CENPP: variants seen among roughly 807,000 people sequenced by gnomAD.
CENPP encodes the protein centromere protein P.
Under a neutral mutation model 35.6 loss-of-function variants are expected in CENPP, and 24 were observed. The observed-to-expected ratio is 0.67, with a 90% CI of 0.49 to 0.95. The LOEUF is 0.95. CENPP is among the 40% of genes least tolerant of loss of function. The pLI, the probability that CENPP is intolerant of heterozygous loss-of-function variation, is 0.00. For synonymous variants in CENPP, 120 were observed against 125.5 expected (o/e 0.96, Z 0.29); for missense variants, 332 against 345.3 (o/e 0.96, Z 0.31).
intron 5 of CENPP, among the ~76,000 whole-genome samples, chr9:92,488,095 G>A (rs773217887): frequency 6.6e-6 from 1 of 152,156 alleles, no homozygotes; most frequent in Non-Finnish European, 1.5e-5. Context: ...TGTATTAAAT[G>A]CGTTTTGACC....
At chr9:92,432,244 G>T (rs1234524794) in intron 5 of CENPP, among the ~76,000 whole-genome samples, 1 of 151,998 alleles carries the variant, frequency 6.6e-6, no homozygotes, top group Non-Finnish European at 1.5e-5. Context: ...AGAATCGCTT[G>T]AACCTGGGAG....
At position 92,345,877 on chromosome 9, in the gene CENPP, G is replaced by A. The variant is rs539635562; in HGVS notation, c.467+90G>A. 3.5e-5 allele frequency: 25 copies of A among 710,994 alleles called. No individual in the cohort carries two copies. The East Asian group carries it at 4.9e-4, about 14-fold the overall frequency. The allele number at this position is 710,994 out of a possible 1,614,324, so 44.0% of individuals were successfully genotyped here. On this transcript the variant is annotated intron_variant, in intron 4 of 7. Coordinates refer to ENST00000375587, the MANE Select transcript of CENPP (RefSeq NM_001012267.3). ...GTTTACCTTTTCCTCTTCTTAGTAAGTAAATAGGTCTTCTCTGAAAGTATA... is the reference window on the plus strand; with the variant it reads ...GTTTACCTTTTCCTCTTCTTAGTAAATAAATAGGTCTTCTCTGAAAGTATA...
chr9:92,450,270 A>G (rs867784025), intron 5 of CENPP, among the ~76,000 whole-genome samples: 2 of 111,024 alleles, frequency 1.8e-5, no homozygotes, highest in African/African-American at 7.2e-5. Context: ...GACAGTCCCC[A>G]GAGTGTGATG....
intron 5 of CENPP, among the ~76,000 whole-genome samples, chr9:92,532,803 T>A (rs1056341666): frequency 6.6e-6 from 1 of 152,168 alleles, no homozygotes; most frequent in Non-Finnish European, 1.5e-5. Context: ...GGATCCTCTA[T>A]GTGTCTATTT....
At chr9:92,401,220 A>G in intron 5 of CENPP, 1 of 913,654 alleles carries the variant, frequency 1.1e-6, no homozygotes, top group Non-Finnish European at 1.8e-6. Context: ...ACCTAGCTTC[A>G]TTAAGTCTGT....
chr9:92,521,926 A>G (rs1588223959), intron 5 of CENPP, among the ~76,000 whole-genome samples: 1 of 152,220 alleles, frequency 6.6e-6, no homozygotes, highest in African/African-American at 2.4e-5. Flanking sequence ...GATTACAACT[A>G]TTTAAAATAT....
intron 5 of CENPP, chr9:92,500,894 C>G (rs769980008): frequency 6.2e-6 from 10 of 1,614,036 alleles, no homozygotes; most frequent in Non-Finnish European, 8.5e-6. Context: ...TGTTAAATGA[C>G]AGGTACAAGT....
chr9:92,452,261 G>A (rs1336086144), intron 5 of CENPP, among the ~76,000 whole-genome samples: 1 of 151,966 alleles, frequency 6.6e-6, no homozygotes, highest in Non-Finnish European at 1.5e-5. Flanking sequence ...TTATTATTTT[G>A]AGATACGTCC....
At chr9:92,495,876 A>G (rs950561602) in intron 5 of CENPP, 1 of 980,554 alleles carries the variant, frequency 1.0e-6, no homozygotes, top group Non-Finnish European at 1.2e-6. Context: ...TTAATAATAA[A>G]CAACACTTAT....
intron 5 of CENPP, among the ~76,000 whole-genome samples, chr9:92,597,655 G>A (rs542571825): frequency 6.6e-6 from 1 of 152,068 alleles, no homozygotes; most frequent in Non-Finnish European, 1.5e-5. Context: ...TGTATATTTA[G>A]CTTCTTCATT....
At chr9:92,421,979 T>A (rs1427579518) in intron 5 of CENPP, among the ~76,000 whole-genome samples, 1 of 152,158 alleles carries the variant, frequency 6.6e-6, no homozygotes, top group Non-Finnish European at 1.5e-5. Context: ...ATTCTATACA[T>A]TTTATACTCA....
chr9:92,442,413 A>G (rs113578946), intron 5 of CENPP, among the ~76,000 whole-genome samples: 8 of 133,916 alleles, frequency 6.0e-5, no homozygotes, highest in African/African-American at 1.2e-4. Context: ...AAAAAAAAAA[A>G]AAAGAAAAAA....
intron 4 of CENPP, among the ~76,000 whole-genome samples, chr9:92,359,308 A>G (rs1328953887): frequency 1.3e-5 from 2 of 152,092 alleles, no homozygotes; most frequent in East Asian, 3.8e-4. Context: ...AAAAGGGCTC[A>G]TTTGAACCTA....
At chr9:92,331,115 A>G (rs1296438105) in intron 1 of CENPP, among the ~76,000 whole-genome samples, 1 of 152,244 alleles carries the variant, frequency 6.6e-6, no homozygotes, top group African/African-American at 2.4e-5. Context: ...TTCTTACTAT[A>G]AAACGTTCTG....
chr9:92,487,372 A>G (rs1027802607), intron 5 of CENPP, among the ~76,000 whole-genome samples: 2 of 152,214 alleles, frequency 1.3e-5, no homozygotes. Context: ...AAGGACTCAG[A>G]AAAGGAACAT....
intron 2 of CENPP, among the ~76,000 whole-genome samples, chr9:92,333,863 G>A (rs966418409): frequency 6.6e-6 from 1 of 152,126 alleles, no homozygotes; most frequent in Admixed American, 6.5e-5. Context: ...TCTGTGGTGT[G>A]TTAATGAATG....
intron 5 of CENPP, chr9:92,495,619 T>C: frequency 1.0e-6 from 1 of 954,876 alleles, no homozygotes; most frequent in South Asian, 4.8e-5. Context: ...TAAAAAATAA[T>C]TTTAGAATTA....
chr9:92,384,797 T>C (rs543086251), intron 5 of CENPP: 3 of 152,154 alleles, frequency 2.0e-5, no homozygotes, highest in Non-Finnish European at 4.4e-5. Flanking sequence ...GAAAATATTT[T>C]GCAGTTATCT....
chr9:92,549,862 G>A (rs1849551331), intron 5 of CENPP, among the ~76,000 whole-genome samples: 1 of 152,098 alleles, frequency 6.6e-6, no homozygotes, highest in Admixed American at 6.5e-5. Flanking sequence ...GTTTGTTCAG[G>A]AGCCAGGCTT....
Sources: gnomAD v4.1 joint callset for allele counts (sites outside exome capture counted in the v4.1 genomes callset) on GRCh38, gnomAD v4.1.1 for gene constraint, MANE v1.5 for transcripts, NCBI Gene and HGNC (gene_info 2026-07-23, HGNC 2026-07-21) for gene names.